Variants in SMG1 observed in about 807,000 individuals in gnomAD.
SMG1 encodes serine/threonine-protein kinase SMG1.
SMG1 carries 22 observed loss-of-function variants against 419.9 expected under a neutral mutation model. That is an observed-to-expected ratio of 0.05 (90% confidence interval 0.04 to 0.07). SMG1 has a LOEUF of 0.07. SMG1 is among the 10% of genes least tolerant of loss of function. The pLI is 1.00. For missense variants in SMG1, 3,185 were observed against 4,342.0 expected, an observed-to-expected ratio of 0.73 and a Z score of 7.49; for synonymous variants, 1,538 against 1,553.5, an observed-to-expected ratio of 0.99 and a Z score of 0.23.
In SMG1 at chr16:18,864,210, T is replaced by TTC. The variant is rs1567388470; in HGVS notation, c.3351-67_3351-66insGA. On this transcript the variant is annotated intron_variant, in intron 23 of 62. Coordinates refer to ENST00000446231, the MANE Select transcript of SMG1 (RefSeq NM_015092.5). The stretch of plus-strand genomic sequence containing the variant: ...TACTTTTTTTTTTTTTTTTTTTTTT[T>TTC]TTGTGATGAAGTTTTGCTCTTCTTG... The TTC allele has an allele frequency of 1.7e-3, 2,276 of 1,332,172 alleles. 15 individuals are homozygous for TTC. In the African/African-American group the frequency reaches 0.031, roughly 18 times the overall value. The allele number at this position is 1,332,172 out of a possible 1,614,324, so 82.5% of individuals were successfully genotyped here.
chr16:18,840,054 A>G, intron 41 of SMG1, 108 bp from the exon 42 acceptor site: 1 of 826,642 alleles, frequency 1.2e-6, no homozygotes, highest in East Asian at 2.7e-5. Context: ...TTTCAGTAGC[A>G]TTCTCTCATT....
At chr16:18,868,995 T>C in intron 20 of SMG1, 109 bp downstream of exon 20, 1 of 1,010,198 alleles carries the variant, frequency 9.9e-7, no homozygotes, top group Non-Finnish European at 1.5e-6. Flanking sequence ...AATTATTGAC[T>C]TTTTTCAAAA....
chr16:18,836,446 A>G lies in SMG1; in HGVS notation c.7691T>C (p.Ile2564Thr), dbSNP rs760995701. Reference sequence around the variant, plus strand: ...ATTGAATGCAGCCTGATAATGTGTTATCCATTGTTCAAATTCATTCAGCTT... The same window carrying G: ...ATTGAATGCAGCCTGATAATGTGTTGTCCATTGTTCAAATTCATTCAGCTT... ...QVKLNEFEQWITHYQAAFNNL... is the reference protein window; with the variant it reads ...QVKLNEFEQWTTHYQAAFNNL... Residue 2564 changes from isoleucine to threonine, a missense_variant, in exon 47 of 63, where the codon ATA becomes ACA. Physicochemically the swap from Ile to Thr is moderately conservative, Grantham distance 89. This residue lies in a region of SMG1 where 412 missense variants were observed against 546.6 expected (regional missense o/e 0.75). Coordinates refer to ENST00000446231, the MANE Select transcript of SMG1 (RefSeq NM_015092.5). 6.2e-7 allele frequency: 1 copy of G among 1,613,890 alleles called. No homozygotes were observed. Among genetic ancestry groups the G allele is most frequent in the Admixed American group, 1.7e-5 (1 of 59,992 alleles).
chr16:18,902,011 A>T (rs1442015913), intron 1 of SMG1, among the ~76,000 whole-genome samples: 1 of 151,680 alleles, frequency 6.6e-6, no homozygotes, highest in Non-Finnish European at 1.5e-5. Context: ...TTTAGGCCAC[A>T]GCAGAGTCTA....
Position 18,811,794 on chromosome 16 carries a change from A to C in SMG1, c.10875T>G (p.Val3625=), listed in dbSNP as rs769384151. 5.0e-6 allele frequency: 8 copies of C among 1,613,998 alleles called. 1 individual carries two copies. The South Asian group carries it at 8.8e-5, about 18-fold the overall frequency. ...RVKAKLEGRD[V]DPNRRMSVAE... The stretch of plus-strand genomic sequence containing the variant: ...CAACTGACATCCTCCTATTCGGATC[A>C]ACATCTCGGCCCTCTAACTTGGCTT... Residue 3625 remains valine (V), a synonymous_variant, in exon 62 of 63, where the codon GTT becomes GTG. Transcript: ENST00000446231.
intron 22 of SMG1, among the ~76,000 whole-genome samples, chr16:18,867,348 A>C (rs1235455911): frequency 6.6e-6 from 1 of 152,014 alleles, no homozygotes; most frequent in Non-Finnish European, 1.5e-5. Flanking sequence ...AGCCTGGCCA[A>C]CATGGTGAAA....
chr16:18,837,524 A>T, intron 45 of SMG1, 81 bp from the exon 46 acceptor site: 1 of 1,229,714 alleles, frequency 8.1e-7, no homozygotes, highest in Non-Finnish European at 1.1e-6. Flanking sequence ...CATTTTGCAC[A>T]TCCTACTTAA....
intron 9 of SMG1, among the ~76,000 whole-genome samples, chr16:18,883,470 C>T (rs1364711769): frequency 1.3e-5 from 2 of 151,960 alleles, no homozygotes; most frequent in Non-Finnish European, 2.9e-5. Context: ...ACTCTGAAGA[C>T]CGGGAACAAA....
At chr16:18,863,206 T>C (rs1313262773) in intron 25 of SMG1, among the ~76,000 whole-genome samples, 1 of 152,224 alleles carries the variant, frequency 6.6e-6, no homozygotes. Context: ...GAGTGCTCAG[T>C]TTTGAATTAC....
At chr16:18,916,904 T>C (rs1445838497) in intron 1 of SMG1, among the ~76,000 whole-genome samples, 2 of 152,076 alleles carry the variant, frequency 1.3e-5, no homozygotes, top group African/African-American at 4.8e-5. Flanking sequence ...AAGAGTCAGG[T>C]AACAAAGGCA....
At chr16:18,851,475 A>G (rs1022040582) in intron 33 of SMG1, among the ~76,000 whole-genome samples, 1 of 152,280 alleles carries the variant, frequency 6.6e-6, no homozygotes, top group Non-Finnish European at 1.5e-5. Context: ...CATATTTTAA[A>G]AGCTCACAAC....
chr16:18,878,611 A>AT (rs2036249610), intron 11 of SMG1: 3 of 152,126 alleles, frequency 2.0e-5, no homozygotes, highest in African/African-American at 7.2e-5. Flanking sequence ...TGTGACAAAA[A>AT]AAAAAAAAAG....
intron 55 of SMG1, 105 bp downstream of exon 55, chr16:18,827,926 C>G: frequency 8.6e-7 from 1 of 1,167,828 alleles, no homozygotes; most frequent in Non-Finnish European, 1.2e-6. Flanking sequence ...GCTTACAAGC[C>G]AAGGACACAC....
At position 18,819,554 on chromosome 16, in the gene SMG1, G is replaced by T. The variant is rs372569656; in HGVS notation, c.9842C>A (p.Thr3281Lys). Residue 3281 changes from threonine (T) to lysine (K), a missense_variant, in exon 56 of 63, where the codon ACG (threonine) becomes AAG (lysine). By Grantham distance (78) the Thr-to-Lys change is moderately conservative (BLOSUM62 -1). This residue lies in a region of SMG1 where 737 missense variants were observed against 846.6 expected (regional missense o/e 0.87). Transcript: ENST00000446231. ...GACAAGATTTCTTCTTTCAGCTATC[G>T]TTGCTTCAAAATCTTGTAGTACAGG... ...LAPVLQDFEA[T>K]IAERRNLVLK... 6.8e-6 allele frequency: 11 copies of T among 1,606,074 alleles called. No homozygotes were observed. In the African/African-American group the frequency reaches 1.3e-4, roughly 20 times the overall value.
Position 18,812,023 on chromosome 16 carries a change from TTGG to T in SMG1, c.10723_10725del (p.Pro3575del). The T allele has an allele frequency of 6.2e-7, 1 of 1,614,022 alleles. No homozygotes were observed. The highest frequency in any genetic ancestry group is 8.5e-7 in the Non-Finnish European group (1 of 1,179,878). On this transcript the variant is annotated inframe_deletion, in exon 61 of 63. Coordinates refer to ENST00000446231, the MANE Select transcript of SMG1 (RefSeq NM_015092.5). ...CTCTTGCCAGTTCCTGGAACGGTGC[TTGG>T]TGGAGTATCAGCTGATGTAGCAAGA...
Position 18,872,256 on chromosome 16 carries a change from T to C in SMG1, c.2111A>G (p.Lys704Arg), listed in dbSNP as rs2035861679. The change falls in exon 15 of 63, where the codon AAG (lysine) becomes AGG (arginine). Residue 704 changes from lysine (K) to arginine (R), a missense_variant. Transcript: ENST00000446231. ...AVISTVTTAT[K>R]KHFSIILNLL... is the part of the protein sequence containing the mutation. ...ATTTAATATAATTGAGAAATGTTTCTTTGTAGCCGTAGTTACAGTGCTAAT... is the reference window on the plus strand; with the variant it reads ...ATTTAATATAATTGAGAAATGTTTCCTTGTAGCCGTAGTTACAGTGCTAAT... The C allele has an allele frequency of 6.3e-7, 1 of 1,595,438 alleles. No individual in the cohort carries two copies. The highest frequency in any genetic ancestry group is 1.3e-5 in the African/African-American group (1 of 74,458).
At chr16:18,862,166 A>G (rs2035252183) in intron 25 of SMG1, among the ~76,000 whole-genome samples, 1 of 152,058 alleles carries the variant, frequency 6.6e-6, no homozygotes, top group Non-Finnish European at 1.5e-5. Flanking sequence ...TCTCTCTACA[A>G]AACTCTTTTT....
At chr16:18,894,171 A>C (rs1351072371) in intron 3 of SMG1, among the ~76,000 whole-genome samples, 1 of 152,114 alleles carries the variant, frequency 6.6e-6, no homozygotes, top group Non-Finnish European at 1.5e-5. Flanking sequence ...AGAAACAACC[A>C]ATGGGTACCA....
chr16:18,899,193 A>C (rs978671111), intron 1 of SMG1, among the ~76,000 whole-genome samples: 1 of 152,188 alleles, frequency 6.6e-6, no homozygotes, highest in Non-Finnish European at 1.5e-5. Flanking sequence ...ACTTCACTGA[A>C]GAAACCGGGT....
Sources: allele counts gnomAD v4.1 joint callset (sites outside exome capture counted in the v4.1 genomes callset), GRCh38; gene constraint gnomAD v4.1.1; regional missense constraint gnomAD v4.1.1; transcripts MANE v1.5; gene names NCBI Gene and HGNC (gene_info 2026-07-23, HGNC 2026-07-21).